Variants in TNKS observed in about 807,000 individuals in gnomAD.
The protein encoded by TNKS is tankyrase.
Under a neutral mutation model 135.8 loss-of-function variants are expected in TNKS, and 72 were observed. The observed-to-expected ratio is 0.53, with a 90% CI of 0.44 to 0.64. TNKS has a LOEUF of 0.64. Among genes scored for constraint, TNKS ranks in the 30% least tolerant of loss-of-function variants. The probability of loss-of-function intolerance (pLI) is 0.00; values close to 1 mark genes in which losing one functional copy is unlikely to be tolerated. For missense variants in TNKS, 1,769 were observed against 1,674.0 expected (o/e 1.06, Z -0.99); for synonymous variants, 849 against 649.3 (o/e 1.31, Z -4.68).
chr8:9,630,047 C>G (rs1035363410), intron 3 of TNKS, among the ~76,000 whole-genome samples: 1 of 152,134 alleles, frequency 6.6e-6, no homozygotes, highest in Non-Finnish European at 1.5e-5. Context: ...CTCTTCCTGA[C>G]CTCTCAAATG....
chr8:9,657,311 C>T (rs1801433280), intron 3 of TNKS, among the ~76,000 whole-genome samples: 2 of 80,824 alleles, frequency 2.5e-5, no homozygotes, highest in Non-Finnish European at 5.7e-5. Flanking sequence ...GACCCCCCCA[C>T]CTCCCTCCCA....
intron 3 of TNKS, among the ~76,000 whole-genome samples, chr8:9,631,547 T>C (rs1007298961): frequency 8.5e-5 from 13 of 152,234 alleles, no homozygotes; most frequent in African/African-American, 3.1e-4. Context: ...CTTGTCTCTA[T>C]TTGGTAGACT....
At chr8:9,634,904 G>A (rs1800449659) in intron 3 of TNKS, among the ~76,000 whole-genome samples, 1 of 152,164 alleles carries the variant, frequency 6.6e-6, no homozygotes, top group Non-Finnish European at 1.5e-5. Flanking sequence ...TCGGCCGGGC[G>A]CGGTGGCTCA....
chr8:9,574,982 T>C, intron 1 of TNKS: 3 of 951,004 alleles, frequency 3.2e-6, no homozygotes, highest in Non-Finnish European at 3.8e-6. Context: ...ATGCTAAGAA[T>C]GTGGAAAGAT....
intron 3 of TNKS, among the ~76,000 whole-genome samples, chr8:9,646,244 G>C: frequency 6.6e-6 from 1 of 151,754 alleles, no homozygotes; most frequent in East Asian, 1.9e-4. Context: ...GTTTTTTTCA[G>C]ATAGAATATA....
At chr8:9,707,375 A>C (rs1585355081) in intron 8 of TNKS, among the ~76,000 whole-genome samples, 1 of 152,138 alleles carries the variant, frequency 6.6e-6, no homozygotes. Flanking sequence ...TGTGCTATTG[A>C]CAGTGATAGG....
chr8:9,770,033 AATAG>A, intron 25 of TNKS, 69 bp from the exon 26 acceptor site: 1 of 1,355,430 alleles, frequency 7.4e-7, no homozygotes, highest in Non-Finnish European at 9.9e-7. Flanking sequence ...TTAAAAAATT[AATAG>A]ATCTAGCAGT....
At chr8:9,714,614 C>T (rs1406441729) in intron 11 of TNKS, among the ~76,000 whole-genome samples, 1 of 152,098 alleles carries the variant, frequency 6.6e-6, no homozygotes, top group Non-Finnish European at 1.5e-5. Context: ...AAAGTTAATG[C>T]AGTTACCAAA....
intron 5 of TNKS, among the ~76,000 whole-genome samples, chr8:9,684,233 A>G (rs917679836): frequency 1.3e-5 from 2 of 151,768 alleles, no homozygotes; most frequent in African/African-American, 4.8e-5. Flanking sequence ...GGATTTTTTG[A>G]TCTTTAATCT....
At chr8:9,648,466 G>C (rs762915236) in intron 3 of TNKS, among the ~76,000 whole-genome samples, 17 of 152,060 alleles carry the variant, frequency 1.1e-4, no homozygotes, top group African/African-American at 1.7e-4. Flanking sequence ...CCTGTGGAGG[G>C]TTAGGATCGT....
At chr8:9,666,214 C>T (rs1028891760) in intron 3 of TNKS, among the ~76,000 whole-genome samples, 2 of 152,076 alleles carry the variant, frequency 1.3e-5, no homozygotes, top group East Asian at 1.9e-4. Flanking sequence ...CGCTGCCACA[C>T]GTTGAAATGG....
intron 2 of TNKS, among the ~76,000 whole-genome samples, chr8:9,598,617 G>T (rs1020396491): frequency 2.0e-5 from 3 of 150,992 alleles, no homozygotes; most frequent in Non-Finnish European, 4.4e-5. Flanking sequence ...GATCAACTGA[G>T]CCAGTGATGC....
At chr8:9,766,730 C>T (rs954212421) in intron 25 of TNKS, among the ~76,000 whole-genome samples, 1 of 152,072 alleles carries the variant, frequency 6.6e-6, no homozygotes, top group Non-Finnish European at 1.5e-5. Flanking sequence ...ATGATCTGCC[C>T]ACCTCGGCCT....
chr8:9,629,790 C>T (rs993283873), intron 3 of TNKS, among the ~76,000 whole-genome samples: 3 of 152,250 alleles, frequency 2.0e-5, no homozygotes, highest in African/African-American at 7.2e-5. Context: ...TCATGCCATT[C>T]TCCTGCCTCA....
At chr8:9,625,072 A>G (rs1046820056) in intron 3 of TNKS, among the ~76,000 whole-genome samples, 1 of 151,996 alleles carries the variant, frequency 6.6e-6, no homozygotes, top group Non-Finnish European at 1.5e-5. Flanking sequence ...TAATCATTTC[A>G]TTATTATTAT....
chr8:9,657,610 C>A (rs1323694063), intron 3 of TNKS, among the ~76,000 whole-genome samples: 4 of 89,076 alleles, frequency 4.5e-5, no homozygotes, highest in African/African-American at 1.7e-4. Context: ...GGCTGACCCC[C>A]CTACCTCCCT....
At chr8:9,736,214 C>G (rs972970421) in intron 17 of TNKS, among the ~76,000 whole-genome samples, 16 of 151,498 alleles carry the variant, frequency 1.1e-4, no homozygotes, top group Admixed American at 3.9e-4. Context: ...CATTTATCAT[C>G]AGCACCTTAA....
intron 3 of TNKS, among the ~76,000 whole-genome samples, chr8:9,668,855 A>C (rs1802130757): frequency 6.6e-6 from 1 of 152,180 alleles, no homozygotes; most frequent in African/African-American, 2.4e-5. Context: ...TAAATTGAAT[A>C]AATTTAGTCT....
rs570295381 is a variant in TNKS at position 9,763,408 on chromosome 8, G to GC, written c.3372+168dup. Among the ~76,000 whole-genome samples, 108 of 152,122 alleles carry GC rather than the reference G, an allele frequency of 7.1e-4. 1 individual carries two copies. Among genetic ancestry groups the GC allele is most frequent in the African/African-American group, 2.5e-3 (102 of 41,488 alleles). ...ATTGCCAAAATTAAAATATGACGGCGCCCCATGGTTTTCACATCATAAGCC... is the reference window on the plus strand; with the variant it reads ...ATTGCCAAAATTAAAATATGACGGCGCCCCCATGGTTTTCACATCATAAGCC... On this transcript the variant is annotated intron_variant, in intron 22 of 26. Transcript: ENST00000310430.
Sources: allele counts gnomAD v4.1 joint callset (sites outside exome capture counted in the v4.1 genomes callset), GRCh38; gene constraint gnomAD v4.1.1; transcripts MANE v1.5; gene names NCBI Gene and HGNC (gene_info 2026-07-23, HGNC 2026-07-21).